Variants in SRSF11 observed in about 807,000 individuals in gnomAD.
SRSF11 encodes the protein serine/arginine-rich splicing factor 11.
A neutral mutation model predicts 56.0 loss-of-function variants in SRSF11; 9 were observed. That is an observed-to-expected ratio of 0.16 (90% CI 0.10 to 0.28). SRSF11 has a LOEUF of 0.28. Ranked by LOEUF, SRSF11 falls within the 10% of genes least tolerant of loss-of-function variation. The probability of loss-of-function intolerance (pLI) is 1.00; values close to 1 mark genes in which losing one functional copy is unlikely to be tolerated. For missense variants in SRSF11, 421 were observed against 600.7 expected (o/e 0.70, Z 3.13); for synonymous variants, 222 against 215.3 (o/e 1.03, Z -0.27).
chr1:70,235,648 C>G, intron 5 of SRSF11, 98 bp downstream of exon 5: 1 of 1,210,910 alleles, frequency 8.3e-7, no homozygotes, highest in Non-Finnish European at 1.2e-6. Context: ...ATCAAGTTAT[C>G]TTTTCTCAAG....
At chr1:70,232,108 T>A in intron 2 of SRSF11, 160 bp from the exon 3 acceptor site, 1 of 1,548,032 alleles carries the variant, frequency 6.5e-7, no homozygotes, top group South Asian at 1.2e-5. Flanking sequence ...TGACATAAAA[T>A]TAATGATAAA....
chr1:70,232,451 T>G, intron 3 of SRSF11, 74 bp downstream of exon 3: 1 of 1,156,380 alleles, frequency 8.6e-7, no homozygotes, highest in Non-Finnish European at 1.2e-6. Context: ...ATATTTGAAC[T>G]TTGTAAGTAC....
intron 2 of SRSF11, chr1:70,231,429 G>A (rs1420914584): frequency 1.9e-6 from 2 of 1,056,874 alleles, no homozygotes; most frequent in Non-Finnish European, 2.3e-6. Context: ...CACAGATTAG[G>A]CTTTAAAAAC....
intron 1 of SRSF11, among the ~76,000 whole-genome samples, chr1:70,212,318 G>A (rs1261865701): frequency 1.3e-5 from 2 of 151,912 alleles, no homozygotes; most frequent in Non-Finnish European, 2.9e-5. Flanking sequence ...GTGCAGCGAC[G>A]AGATCTTGGC....
At chr1:70,249,583 G>GTC (rs745873355) in intron 9 of SRSF11, 28 of 173,804 alleles carry the variant, frequency 1.6e-4, no homozygotes, top group Non-Finnish European at 2.8e-4. Context: ...TTGAGACAGG[G>GTC]TCTCTCTCTG....
intron 2 of SRSF11, 154 bp from the exon 3 acceptor site, chr1:70,232,114 A>T (rs1300499349): frequency 6.5e-7 from 1 of 1,548,186 alleles, no homozygotes; most frequent in Non-Finnish European, 8.7e-7. Flanking sequence ...AAAATTAATG[A>T]TAAATAATCA....
At chr1:70,206,743 G>C (rs1465814114) in intron 1 of SRSF11, among the ~76,000 whole-genome samples, 2 of 152,056 alleles carry the variant, frequency 1.3e-5, no homozygotes, top group African/African-American at 4.8e-5. Context: ...TTTTACCTGA[G>C]TCCAGGTTAT....
intron 7 of SRSF11, among the ~76,000 whole-genome samples, chr1:70,243,592 A>G (rs1274394653): frequency 6.6e-6 from 1 of 152,214 alleles, no homozygotes; most frequent in African/African-American, 2.4e-5. Context: ...AGAGTTTAAC[A>G]CAAGTCTTTA....
chr1:70,231,518 G>A, intron 2 of SRSF11: 4 of 1,061,560 alleles, frequency 3.8e-6, no homozygotes, highest in Non-Finnish European at 4.6e-6. Flanking sequence ...GCATTTTTTG[G>A]TATGGTTAGC....
At position 70,228,575 on chromosome 1, in the gene SRSF11, A is replaced by G. The variant is rs1416318698; in HGVS notation, c.337+20A>G. 6.2e-7 allele frequency: 1 copy of G among 1,606,578 alleles called. No homozygotes were observed. The highest frequency in any genetic ancestry group is 8.5e-7 in the Non-Finnish European group (1 of 1,176,282). The stretch of plus-strand genomic sequence containing the variant: ...CAGAAGGTTTGTGCTTTGTTTAACT[A>G]CCTATGTGGGCATCCTAAGATGACC... On this transcript the variant is annotated intron_variant, in intron 2 of 11. Coordinates refer to ENST00000370949, the MANE Select transcript of SRSF11 (RefSeq NM_001350605.2).
chr1:70,246,685 A>G (rs572269892), intron 8 of SRSF11, 133 bp from the exon 9 acceptor site: 2 of 494,028 alleles, frequency 4.0e-6, no homozygotes, highest in South Asian at 4.7e-5. Flanking sequence ...TTTTTAAAAC[A>G]GTTTCTGTCA....
At position 70,239,421 on chromosome 1, in the gene SRSF11, CT is replaced by C. The variant is rs748782095; in HGVS notation, c.719-14del. 9 of 1,570,138 alleles carry C rather than the reference CT, an allele frequency of 5.7e-6. No individual in the cohort carries two copies. The highest frequency in any genetic ancestry group is 7.8e-6 in the Non-Finnish European group (9 of 1,153,876). ...TTTAATAACTTCTAAATGCAGGTTC[CT>C]TTTCTTTTAAATATAGATAAGAAAG... On this transcript the variant is annotated splice_polypyrimidine_tract_variant and intron_variant, in intron 6 of 11. Transcript: ENST00000370949.
intron 2 of SRSF11, chr1:70,230,699 CTT>C (rs796089050): frequency 4.1e-4 from 405 of 977,838 alleles, no homozygotes; most frequent in Admixed American, 1.5e-3. Context: ...AGATGCATGA[CTT>C]TTTTTTTTTT....
At chr1:70,247,053 A>G (rs2100997710) in intron 9 of SRSF11, 146 bp downstream of exon 9, 1 of 1,129,530 alleles carries the variant, frequency 8.9e-7, no homozygotes, top group Non-Finnish European at 1.2e-6. Context: ...TAAAGTTTTT[A>G]AAAGGCAATT....
At chr1:70,245,006 G>A (rs1477581990) in intron 8 of SRSF11, among the ~76,000 whole-genome samples, 191 bp downstream of exon 8, 1 of 152,208 alleles carries the variant, frequency 6.6e-6, no homozygotes, top group Non-Finnish European at 1.5e-5. Context: ...TGAAACTTCA[G>A]CTTACAGCTG....
chr1:70,242,485 G>A (rs76230180), intron 7 of SRSF11, among the ~76,000 whole-genome samples: 1 of 103,562 alleles, frequency 9.7e-6, no homozygotes, highest in Non-Finnish European at 2.0e-5. Context: ...TTTTTTTTAT[G>A]TAGAGACAGG....
At chr1:70,209,862 G>A (rs1017586548) in intron 1 of SRSF11, among the ~76,000 whole-genome samples, 20 of 141,238 alleles carry the variant, frequency 1.4e-4, no homozygotes, top group Non-Finnish European at 2.1e-4. Flanking sequence ...GCCTCCCAAC[G>A]TGTTGGAATT....
chr1:70,240,672 A>G (rs1365953384), intron 7 of SRSF11, among the ~76,000 whole-genome samples: 1 of 152,098 alleles, frequency 6.6e-6, no homozygotes, highest in East Asian at 1.9e-4. Flanking sequence ...TTCTAGTCAG[A>G]ACCCTTTAGG....
chr1:70,223,040 A>AT (rs1465668853), intron 1 of SRSF11, among the ~76,000 whole-genome samples: 2 of 152,162 alleles, frequency 1.3e-5, no homozygotes, highest in African/African-American at 4.8e-5. Flanking sequence ...TATTCCTGTT[A>AT]TTTTGACAGA....
Sources: allele counts gnomAD v4.1 joint callset (sites outside exome capture counted in the v4.1 genomes callset), GRCh38; gene constraint gnomAD v4.1.1; transcripts MANE v1.5; gene names NCBI Gene and HGNC (gene_info 2026-07-23, HGNC 2026-07-21).